The following MTM1 variants were observed in gnomAD, a reference collection of about 807,000 sequenced individuals.
The protein encoded by MTM1 is myotubularin 1.
A neutral mutation model predicts 52.1 loss-of-function variants in MTM1; 9 were observed. That is an observed-to-expected ratio of 0.17 (90% CI 0.10 to 0.30). MTM1 has a LOEUF of 0.30. Ranked by LOEUF, MTM1 falls within the 10% of genes least tolerant of loss-of-function variation. The pLI is 1.00. For missense variants in MTM1, 277 were observed against 470.7 expected (o/e 0.59, Z 3.81); for synonymous variants, 136 against 163.8 (o/e 0.83, Z 1.29).
intron 4 of MTM1, among the ~76,000 whole-genome samples, chrX:150,603,004 C>T (rs994571309): frequency 4.7e-4 from 52 of 111,427 alleles, no homozygotes; most frequent in African/African-American, 1.6e-3. Flanking sequence ...AGGAAGAAGA[C>T]GTACAAGGGA....
At chrX:150,650,193 C>G (rs1238348347) in intron 10 of MTM1, among the ~76,000 whole-genome samples, 2 of 109,675 alleles carry the variant, frequency 1.8e-5, no homozygotes, top group Admixed American at 9.8e-5. Context: ...AATTTATTAT[C>G]TAACCATTAC....
intron 11 of MTM1, among the ~76,000 whole-genome samples, chrX:150,659,252 C>G (rs1456498614): frequency 2.7e-5 from 3 of 111,902 alleles, no homozygotes; most frequent in Non-Finnish European, 5.6e-5. Flanking sequence ...ATCATCATAC[C>G]TTTTGGACAT....
chrX:150,572,531 T>C (rs1008205612), intron 1 of MTM1, among the ~76,000 whole-genome samples: 1 of 112,214 alleles, frequency 8.9e-6, no homozygotes, highest in Admixed American at 9.5e-5. Context: ...TGGTATACCA[T>C]AACAAGTTTT....
At chrX:150,592,846 CTT>C (rs1184716210) in intron 2 of MTM1, among the ~76,000 whole-genome samples, 169 bp downstream of exon 2, 14 of 99,555 alleles carry the variant, frequency 1.4e-4, no homozygotes, top group Admixed American at 2.2e-4. Context: ...TCTAGAAAAG[CTT>C]TTTTTTTTTT....
intron 6 of MTM1, among the ~76,000 whole-genome samples, chrX:150,638,571 A>G (rs2039792055): frequency 1.8e-5 from 2 of 111,519 alleles, no homozygotes; most frequent in South Asian, 7.6e-4. Context: ...TAATTCCTGA[A>G]TTTTATTTTT....
intron 10 of MTM1, among the ~76,000 whole-genome samples, chrX:150,650,160 T>G (rs1363036489): frequency 8.9e-6 from 1 of 112,054 alleles, no homozygotes; most frequent in Non-Finnish European, 1.9e-5. Context: ...CAGTCTTTCA[T>G]GCAGGTTTAT....
At chrX:150,598,725 TTAAAGA>T in intron 4 of MTM1, 39 bp downstream of exon 4, 1 of 881,076 alleles carries the variant, frequency 1.1e-6, no homozygotes, top group Non-Finnish European at 1.7e-6. Flanking sequence ...ACCCTAACTG[TTAAAGA>T]TAATGCTAAA....
At chrX:150,640,831 C>A (rs1327043662) in intron 7 of MTM1, among the ~76,000 whole-genome samples, 3 of 111,190 alleles carry the variant, frequency 2.7e-5, no homozygotes, top group Non-Finnish European at 5.7e-5. Context: ...GAAGCATTCA[C>A]TCTATTTTGA....
intron 10 of MTM1, among the ~76,000 whole-genome samples, chrX:150,651,022 G>C (rs1557414179): frequency 1.8e-5 from 2 of 111,447 alleles, no homozygotes; most frequent in Admixed American, 9.5e-5. Context: ...TCAAGGACCA[G>C]ATCAAATCCC....
At chrX:150,572,298 C>G (rs898650293) in intron 1 of MTM1, among the ~76,000 whole-genome samples, 1 of 111,701 alleles carries the variant, frequency 9.0e-6, no homozygotes, top group Non-Finnish European at 1.9e-5. Flanking sequence ...AAATGTGCCT[C>G]AGAGCCCTTT....
At chrX:150,640,295 CAT>C in intron 7 of MTM1, among the ~76,000 whole-genome samples, 1 of 111,825 alleles carries the variant, frequency 8.9e-6, no homozygotes, top group East Asian at 2.8e-4. Flanking sequence ...AGATTGCATG[CAT>C]ATATGAACTG....
At chrX:150,591,061 G>A (rs2148423356) in intron 1 of MTM1, 1 of 737,447 alleles carries the variant, frequency 1.4e-6, no homozygotes, top group Non-Finnish European at 1.6e-6. Flanking sequence ...GTTTTTCAAA[G>A]CATATTTTAC....
intron 1 of MTM1, among the ~76,000 whole-genome samples, chrX:150,571,408 C>A (rs781928120): frequency 1.8e-5 from 2 of 111,678 alleles, no homozygotes; most frequent in South Asian, 7.4e-4. Context: ...CTAATATTAT[C>A]TGTGTGACTT....
At chrX:150,562,759 C>T in the MTM1 span, among the ~76,000 whole-genome samples, 1 of 111,838 alleles carries the variant, frequency 8.9e-6, no homozygotes, top group South Asian at 3.7e-4. Flanking sequence ...CCAGCGGGGC[C>T]TCCTCAAGGA....
rs188820675 is a variant in MTM1, at chrX:150,609,779, C to T, written c.232-4810C>T. 3.9e-3 allele frequency among the ~76,000 whole-genome samples: 436 copies of T among 111,599 alleles called. 1 individual carries two copies. The highest frequency in any genetic ancestry group is 0.018 in the Middle Eastern group (4 of 218). ...TTTCTACCTCGGTCCTTCTCTACTT[C>T]TAGATCCTCATAGCCTCTCACTTGT... is the stretch of plus-strand genomic sequence containing the variant. On this transcript the variant is annotated intron_variant, in intron 4 of 14. Coordinates refer to ENST00000370396, the MANE Select transcript of MTM1 (RefSeq NM_000252.3).
At chrX:150,567,383 A>G (rs1001191466), upstream of MTM1, among the ~76,000 whole-genome samples, 1 of 111,769 alleles carries the variant, frequency 8.9e-6, no homozygotes, top group Non-Finnish European at 1.9e-5. Context: ...ACGTACACAT[A>G]TACACTGGTA....
At chrX:150,573,950 C>T (rs782529486) in intron 1 of MTM1, among the ~76,000 whole-genome samples, 7 of 111,739 alleles carry the variant, frequency 6.3e-5, no homozygotes, top group African/African-American at 2.0e-4. Flanking sequence ...CCCAGGAGGG[C>T]GCTGCGGTTA....
chrX:150,627,800 G>A (rs1413779435), intron 6 of MTM1, among the ~76,000 whole-genome samples: 5 of 111,863 alleles, frequency 4.5e-5, no homozygotes, highest in South Asian at 7.5e-4. Flanking sequence ...ATTTTACCAA[G>A]AGAGGATTTG....
intron 10 of MTM1, 47 bp from the exon 11 acceptor site, chrX:150,657,774 G>A: frequency 9.3e-7 from 1 of 1,075,248 alleles, no homozygotes. Flanking sequence ...TCAAATGTAA[G>A]CAGTATCTTA....
Sources: gnomAD v4.1 joint callset for allele counts (sites outside exome capture counted in the v4.1 genomes callset) on GRCh38, gnomAD v4.1.1 for gene constraint, MANE v1.5 for transcripts, NCBI Gene and HGNC (gene_info 2026-07-23, HGNC 2026-07-21) for gene names.